Variants in CDC25A observed in about 807,000 individuals in gnomAD.
The protein encoded by CDC25A is cell division cycle 25A, also known as M-phase inducer phosphatase 1.
CDC25A carries 17 observed loss-of-function variants against 64.6 expected under a neutral mutation model. The observed-to-expected ratio is 0.26, with a 90% CI of 0.18 to 0.39. The LOEUF is 0.39. CDC25A is among the 10% of genes least tolerant of loss of function. The pLI is 1.00. For missense variants in CDC25A, 473 were observed against 654.8 expected (o/e 0.72, Z 3.03); for synonymous variants, 229 against 238.6 (o/e 0.96, Z 0.37).
chr3:48,174,879 A>C (rs1456739762), intron 8 of CDC25A: 7 of 153,794 alleles, frequency 4.6e-5, no homozygotes, highest in African/African-American at 1.7e-4. Context: ...CACAGTAGCC[A>C]GGTTATAATA....
Position 48,174,283 on chromosome 3 carries a change from C to A in CDC25A, c.930+1G>T, listed in dbSNP as rs149350315. On this transcript the variant is annotated splice_donor_variant, in intron 9 of 14. Coordinates refer to ENST00000302506, the MANE Select transcript of CDC25A (RefSeq NM_001789.3). LOFTEE classifies it high-confidence loss of function. ...AGCAAAAAGGAACCTAGGAAACTAA[C>A]CTCATGGGCCTTCTCTGGATTAGTT... 3 of 1,607,414 alleles carry A rather than the reference C, an allele frequency of 1.9e-6. No individual in the cohort carries two copies. Among genetic ancestry groups the A allele is most frequent in the Non-Finnish European group, 2.5e-6 (3 of 1,177,734 alleles).
intron 9 of CDC25A, among the ~76,000 whole-genome samples, chr3:48,173,720 C>T (rs1412059753): frequency 4.6e-5 from 7 of 152,302 alleles, no homozygotes; most frequent in Non-Finnish European, 8.8e-5. Context: ...CCCGGACTTC[C>T]ACCCATGCCT....
chr3:48,174,662 T>C (rs936406010), intron 8 of CDC25A: 49 of 496,306 alleles, frequency 9.9e-5, no homozygotes, highest in Non-Finnish European at 1.6e-4. Context: ...AATGAATATA[T>C]ACTCAGCTGA....
chr3:48,169,261 G>A (rs1006516769), intron 9 of CDC25A, among the ~76,000 whole-genome samples: 1 of 152,198 alleles, frequency 6.6e-6, no homozygotes, highest in African/African-American at 2.4e-5. Context: ...AGGAAAGAAT[G>A]TAAAAACTGC....
chr3:48,159,751 G>C (rs745551991), intron 13 of CDC25A, among the ~76,000 whole-genome samples: 1 of 152,118 alleles, frequency 6.6e-6, no homozygotes, highest in South Asian at 2.1e-4. Context: ...CACTATATGA[G>C]CCAGCTTCCC....
At chr3:48,172,994 C>T (rs527415465) in intron 9 of CDC25A, among the ~76,000 whole-genome samples, 14 of 152,080 alleles carry the variant, frequency 9.2e-5, no homozygotes, top group African/African-American at 3.1e-4. Flanking sequence ...CTGAGGCGGG[C>T]GGATCACAAG....
chr3:48,179,141 G>A (rs1449945007), intron 6 of CDC25A, among the ~76,000 whole-genome samples: 6 of 152,106 alleles, frequency 3.9e-5, no homozygotes, highest in Non-Finnish European at 8.8e-5. Flanking sequence ...GCAGTCTCTA[G>A]TCCTCCCCAA....
chr3:48,176,531 G>GTATATATATATATATATA (rs55938075), intron 8 of CDC25A, among the ~76,000 whole-genome samples: 2 of 138,122 alleles, frequency 1.4e-5, no homozygotes, highest in Non-Finnish European at 1.6e-5. Flanking sequence ...GTGTGTGTGA[G>GTATATATATATATATATA]TATATATATA....
At chr3:48,171,163 G>C (rs1165376308) in intron 9 of CDC25A, among the ~76,000 whole-genome samples, 3 of 151,770 alleles carry the variant, frequency 2.0e-5, no homozygotes, top group Non-Finnish European at 4.4e-5. Flanking sequence ...CCTGAGGTCA[G>C]GAGTTCAAGA....
rs1303596203 is a variant in CDC25A, at chr3:48,183,892, T to C, written c.291-56A>G. On this transcript the variant is annotated intron_variant, in intron 3 of 14. Coordinates refer to ENST00000302506, the MANE Select transcript of CDC25A (RefSeq NM_001789.3). ...AATAAAACAAGTAAAGAGGTATTCATATTAGCAGAGAGATAGTGTTTAGCC... is the reference window on the plus strand; with the variant it reads ...AATAAAACAAGTAAAGAGGTATTCACATTAGCAGAGAGATAGTGTTTAGCC... The C allele has an allele frequency of 8.0e-6, 9 of 1,122,168 alleles. No homozygotes were observed. The East Asian group carries it at 2.1e-4, about 27-fold the overall frequency. The allele number at this position is 1,122,168 out of a possible 1,614,324, so 69.5% of individuals were successfully genotyped here. A position where few individuals can be genotyped will look rare whatever the true frequency, so the allele number is the denominator to read the frequency against.
intron 6 of CDC25A, among the ~76,000 whole-genome samples, 154 bp from the exon 7 acceptor site, chr3:48,178,142 C>G (rs1327559440): frequency 6.6e-6 from 1 of 152,096 alleles, no homozygotes; most frequent in African/African-American, 2.4e-5. Context: ...AAATGTATCC[C>G]AAGATTATAA....
At chr3:48,174,507 C>A in intron 8 of CDC25A, 50 bp from the exon 9 acceptor site, 1 of 1,547,448 alleles carries the variant, frequency 6.5e-7, no homozygotes, top group African/African-American at 1.4e-5. Flanking sequence ...AACCTGTTCA[C>A]TTGAATGGTA....
intron 13 of CDC25A, among the ~76,000 whole-genome samples, chr3:48,162,471 T>C (rs572550689): frequency 9.9e-5 from 15 of 152,252 alleles, no homozygotes; most frequent in South Asian, 2.1e-4. Flanking sequence ...CCCGAGCAAG[T>C]GATCCTCCTG....
chr3:48,158,935 C>A lies in CDC25A; in HGVS notation c.*10G>T. On this transcript the variant is annotated 3_prime_UTR_variant, in exon 15 of 15. Transcript: ENST00000302506. ...GAAGCTTGGGCTGCTGCTGGCTGGT[C>A]CTGCCGCCCTCAGAGCTTCTTCAGA... is the stretch of plus-strand genomic sequence containing the variant. 2 of 1,613,860 alleles carry A rather than the reference C, an allele frequency of 1.2e-6. No homozygotes were observed. Among genetic ancestry groups the A allele is most frequent in the South Asian group, 1.1e-5 (1 of 91,050 alleles).
intron 8 of CDC25A, among the ~76,000 whole-genome samples, chr3:48,175,038 C>T (rs1279100719): frequency 1.3e-5 from 2 of 152,070 alleles, no homozygotes; most frequent in African/African-American, 2.4e-5. Context: ...AGGCTGGGCG[C>T]GGTGGCTCAC....
Position 48,158,670 on chromosome 3 carries a change from G to A in CDC25A, c.*275C>T. On this transcript the variant is annotated 3_prime_UTR_variant, in exon 15 of 15. Transcript: ENST00000302506. ...AAGGCCCCGGCTGGTTCATCCCACTGTGGCTCAGAGCAGCTTGACACGGTG... is the reference window on the plus strand; with the variant it reads ...AAGGCCCCGGCTGGTTCATCCCACTATGGCTCAGAGCAGCTTGACACGGTG... 1 of 320,558 alleles carries A rather than the reference G, an allele frequency of 3.1e-6. No homozygotes were observed. Among genetic ancestry groups the A allele is most frequent in the South Asian group, 7.8e-5 (1 of 12,826 alleles). 19.9% of individuals were successfully genotyped at this position (320,558 alleles called of 1,614,324 possible).
intron 12 of CDC25A, 66 bp from the exon 13 acceptor site, chr3:48,164,503 T>C (rs1559956681): frequency 5.8e-6 from 8 of 1,388,244 alleles, no homozygotes; most frequent in Non-Finnish European, 7.6e-6. Flanking sequence ...TTCAGCAAGA[T>C]GTAATGATTC....
chr3:48,174,306 G>A lies in CDC25A; in HGVS notation c.908C>T (p.Thr303Ile). 1 of 1,613,896 alleles carries A rather than the reference G, an allele frequency of 6.2e-7. No individual in the cohort carries two copies. The stretch of plus-strand genomic sequence containing the variant: ...AACCTCATGGGCCTTCTCTGGATTA[G>A]TTGACTCTTTGGGGCTGGCCCCAGA... ...SMSGASPKES[T>I]NPEKAHETLH... Residue 303 changes from threonine to isoleucine, a missense_variant, in exon 9 of 15, where the codon ACT becomes ATT. By Grantham distance (89) the Thr-to-Ile change is moderately conservative (BLOSUM62 -1). Transcript: ENST00000302506.
intron 8 of CDC25A, among the ~76,000 whole-genome samples, chr3:48,175,842 A>G (rs902219640): frequency 6.6e-6 from 1 of 152,254 alleles, no homozygotes; most frequent in African/African-American, 2.4e-5. Flanking sequence ...AGCTATGCAC[A>G]TGAATGTACT....
Sources: allele counts gnomAD v4.1 joint callset (sites outside exome capture counted in the v4.1 genomes callset), GRCh38; gene constraint gnomAD v4.1.1; transcripts MANE v1.5; gene names NCBI Gene and HGNC (gene_info 2026-07-23, HGNC 2026-07-21).